The following SPIN1 variants were observed in gnomAD, a reference collection of about 807,000 sequenced individuals.
SPIN1 encodes spindlin-1.
A neutral mutation model predicts 26.0 loss-of-function variants in SPIN1; 3 were observed. The ratio of observed to expected loss-of-function variants is 0.12; its 90% CI spans 0.05 to 0.30. The LOEUF (loss-of-function observed/expected upper bound fraction) is 0.30. Among genes scored for constraint, SPIN1 ranks in the 10% least tolerant of loss-of-function variants. SPIN1 has a pLI of 1.00. For synonymous variants in SPIN1, 101 were observed against 116.5 expected, an observed-to-expected ratio of 0.87 and a Z score of 0.86; for missense variants, 126 against 333.4, an observed-to-expected ratio of 0.38 and a Z score of 4.84.
At chr9:88,436,735 A>T (rs1828005341) in intron 2 of SPIN1, among the ~76,000 whole-genome samples, 1 of 147,820 alleles carries the variant, frequency 6.8e-6, no homozygotes, top group Admixed American at 6.8e-5. Flanking sequence ...ATTAATATGC[A>T]CATAAATTTC....
At chr9:88,416,631 T>C (rs1259963751) in intron 1 of SPIN1, 1 of 152,260 alleles carries the variant, frequency 6.6e-6, no homozygotes, top group African/African-American at 2.4e-5. Context: ...TTTTTCTTTC[T>C]TTATTTTTTA....
At chr9:88,413,129 C>T (rs769819027) in intron 1 of SPIN1, among the ~76,000 whole-genome samples, 18 of 140,846 alleles carry the variant, frequency 1.3e-4, no homozygotes, top group Admixed American at 9.9e-4. Flanking sequence ...TGCAGTAGTG[C>T]GATCTTGGCT....
chr9:88,442,396 TTTTC>T (rs1290234762), intron 2 of SPIN1, among the ~76,000 whole-genome samples: 1 of 149,070 alleles, frequency 6.7e-6, no homozygotes, highest in African/African-American at 2.5e-5. Flanking sequence ...TTCAAGATGT[TTTTC>T]TTTTTCTTTC....
At chr9:88,448,471 C>T (rs1828295842) in intron 2 of SPIN1, among the ~76,000 whole-genome samples, 1 of 152,198 alleles carries the variant, frequency 6.6e-6, no homozygotes, top group African/African-American at 2.4e-5. Context: ...CCCACCTCAG[C>T]CTCCTGAGTG....
intron 2 of SPIN1, among the ~76,000 whole-genome samples, chr9:88,443,701 T>TATGC (rs1296388667): frequency 6.6e-6 from 1 of 152,228 alleles, no homozygotes; most frequent in African/African-American, 2.4e-5. Context: ...AGTGGTAACG[T>TATGC]ATGCCGGGGA....
intron 1 of SPIN1, among the ~76,000 whole-genome samples, chr9:88,399,813 G>A (rs1261733664): frequency 6.6e-6 from 1 of 152,168 alleles, no homozygotes; most frequent in Non-Finnish European, 1.5e-5. Flanking sequence ...ACCATACAAA[G>A]CAGAATGATC....
At chr9:88,404,080 CAA>C (rs1019107947) in intron 1 of SPIN1, among the ~76,000 whole-genome samples, 4 of 152,094 alleles carry the variant, frequency 2.6e-5, no homozygotes, top group African/African-American at 9.7e-5. Flanking sequence ...AGTTGGAACA[CAA>C]TGGTAAGTAA....
At chr9:88,405,472 C>A (rs899136013) in intron 1 of SPIN1, among the ~76,000 whole-genome samples, 5 of 151,752 alleles carry the variant, frequency 3.3e-5, no homozygotes, top group African/African-American at 1.2e-4. Flanking sequence ...CGTGATCCGC[C>A]CACCTCGCCC....
intron 3 of SPIN1, among the ~76,000 whole-genome samples, chr9:88,451,993 C>G (rs1828363228): frequency 6.6e-6 from 1 of 152,186 alleles, no homozygotes; most frequent in South Asian, 2.1e-4. Context: ...GAATAGATTT[C>G]CATTCCATGC....
chr9:88,411,229 C>G, intron 1 of SPIN1: 1 of 1,150,504 alleles, frequency 8.7e-7, no homozygotes, highest in South Asian at 1.2e-5. Context: ...TTCTGTTCAC[C>G]TTGTGTGGCC....
intron 2 of SPIN1, among the ~76,000 whole-genome samples, chr9:88,437,011 C>T (rs568273503): frequency 4.6e-5 from 7 of 151,720 alleles, no homozygotes; most frequent in Admixed American, 1.3e-4. Flanking sequence ...GTGATCCGCC[C>T]GCCTCGGCCT....
intron 1 of SPIN1, chr9:88,391,535 G>C (rs1826919776): frequency 6.6e-6 from 1 of 152,278 alleles, no homozygotes; most frequent in East Asian, 1.9e-4. Flanking sequence ...TGAGTAACAG[G>C]TATCTCAATT....
chr9:88,459,487 T>C (rs1828534838), intron 3 of SPIN1, among the ~76,000 whole-genome samples: 1 of 152,196 alleles, frequency 6.6e-6, no homozygotes, highest in Non-Finnish European at 1.5e-5. Flanking sequence ...TGAACAATAC[T>C]GAATTTAGCT....
chr9:88,437,596 A>G (rs61196544), intron 2 of SPIN1, among the ~76,000 whole-genome samples: 29,222 of 152,016 alleles, frequency 0.19, 3,711 homozygotes, highest in African/African-American at 0.37. Flanking sequence ...CAACTCTTGG[A>G]TAAATATTGA....
At chr9:88,389,592 C>T (rs1282066152) in intron 1 of SPIN1, among the ~76,000 whole-genome samples, 1 of 152,120 alleles carries the variant, frequency 6.6e-6, no homozygotes, top group African/African-American at 2.4e-5. Context: ...GATTGTTTGG[C>T]AATTTTATCA....
At position 88,419,614 on chromosome 9, in the gene SPIN1, A is replaced by T. The variant is rs144811372; in HGVS notation, c.-158-6768A>T. ...AATAAAGATGGACTTAGCAAAGGAA[A>T]ATCCAGCATCTTTTTTTCTCTTAAT... On this transcript the variant is annotated intron_variant, in intron 1 of 5. Transcript: ENST00000375859. 1.8e-4 allele frequency among the ~76,000 whole-genome samples: 28 copies of T among 152,360 alleles called. No homozygotes were observed. In the East Asian group the frequency reaches 5.0e-3, roughly 27 times the overall value.
intron 1 of SPIN1, among the ~76,000 whole-genome samples, chr9:88,407,929 T>A (rs1827344418): frequency 6.6e-6 from 1 of 151,796 alleles, no homozygotes; most frequent in Non-Finnish European, 1.5e-5. Context: ...TGCTTGGCTA[T>A]TTTTTGTGGT....
chr9:88,389,497 T>C (rs1826872969), intron 1 of SPIN1: 1 of 152,248 alleles, frequency 6.6e-6, no homozygotes, highest in Non-Finnish European at 1.5e-5. Flanking sequence ...TTATTCTCTT[T>C]TTACTTATAA....
intron 2 of SPIN1, among the ~76,000 whole-genome samples, chr9:88,426,896 G>T (rs1827774473): frequency 6.6e-6 from 1 of 152,152 alleles, no homozygotes; most frequent in Non-Finnish European, 1.5e-5. Context: ...AAAGTGAGGT[G>T]ACATGAGTTG....
Sources: allele counts gnomAD v4.1 joint callset (sites outside exome capture counted in the v4.1 genomes callset), GRCh38; gene constraint gnomAD v4.1.1; transcripts MANE v1.5; gene names NCBI Gene and HGNC (gene_info 2026-07-23, HGNC 2026-07-21).